DGKG: variants seen among roughly 807,000 people sequenced by gnomAD.
DGKG encodes DAG kinase gamma.
DGKG carries 78 observed loss-of-function variants against 105.3 expected under a neutral mutation model. That is an observed-to-expected ratio of 0.74 (90% confidence interval 0.62 to 0.89). The LOEUF (loss-of-function observed/expected upper bound fraction) is 0.89, where lower values mean the gene tolerates loss of function less well. Among genes scored for constraint, DGKG ranks in the 40% least tolerant of loss-of-function variants. DGKG has a pLI of 0.00. For missense variants in DGKG, 958 were observed against 1,020.1 expected, an observed-to-expected ratio of 0.94 and a Z score of 0.83; for synonymous variants, 346 against 367.1, an observed-to-expected ratio of 0.94 and a Z score of 0.66.
chr3:186,250,695 A>ACCT (rs1189423680), intron 19 of DGKG, among the ~76,000 whole-genome samples: 2 of 151,244 alleles, frequency 1.3e-5, no homozygotes, highest in Non-Finnish European at 2.9e-5. Flanking sequence ...GATTACAGGC[A>ACCT]CCCACCACCA....
At chr3:186,304,480 G>A (rs1724131022) in intron 3 of DGKG, among the ~76,000 whole-genome samples, 1 of 152,204 alleles carries the variant, frequency 6.6e-6, no homozygotes, top group South Asian at 2.1e-4. Context: ...CGGAGAAGGT[G>A]TTGACTCAGT....
At chr3:186,257,033 G>C (rs185504360) in intron 17 of DGKG, among the ~76,000 whole-genome samples, 43 of 152,308 alleles carry the variant, frequency 2.8e-4, no homozygotes, top group African/African-American at 9.9e-4. Flanking sequence ...TGTATCTCCA[G>C]TGCCTTGGGG....
At chr3:186,189,950 G>A (rs749110529) in intron 21 of DGKG, among the ~76,000 whole-genome samples, 13 of 152,110 alleles carry the variant, frequency 8.5e-5, no homozygotes, top group Non-Finnish European at 1.3e-4. Flanking sequence ...AGATGATGAT[G>A]ATGATGAAGA....
At chr3:186,352,224 T>C (rs920515528) in intron 1 of DGKG, among the ~76,000 whole-genome samples, 2 of 152,144 alleles carry the variant, frequency 1.3e-5, no homozygotes, top group African/African-American at 4.8e-5. Context: ...TGCTTGACCA[T>C]TCACCTGGCA....
intron 5 of DGKG, among the ~76,000 whole-genome samples, chr3:186,296,746 C>T (rs1379140883): frequency 6.6e-6 from 1 of 152,158 alleles, no homozygotes; most frequent in South Asian, 2.1e-4. Flanking sequence ...TCCCTGGCTC[C>T]ACAGGTCACA....
chr3:186,192,160 C>T (rs1385942274), intron 21 of DGKG, among the ~76,000 whole-genome samples: 2 of 152,138 alleles, frequency 1.3e-5, no homozygotes, highest in Non-Finnish European at 2.9e-5. Context: ...AGGTGCCTGT[C>T]ACCACGCCCA....
rs763118270 is a variant in DGKG at position 186,298,083 on chromosome 3, G to C, written c.291C>G (p.Asn97Lys). The part of the protein sequence containing the change: ...TSDHPTEGAS[N>K]SEANSADTNI... Reference sequence around the variant, plus strand: ...GTGTACCTGCGCTGTTGGCCTCACTGTTGCTGGCTCCCTCCGTCGGGTGGT... The same window carrying C: ...GTGTACCTGCGCTGTTGGCCTCACTCTTGCTGGCTCCCTCCGTCGGGTGGT... Residue 97 changes from asparagine to lysine, a missense_variant, in exon 4 of 25, where the codon AAC becomes AAG. By Grantham distance (94) the Asn-to-Lys change is moderately conservative (BLOSUM62 0). Coordinates refer to ENST00000265022, the MANE Select transcript of DGKG (RefSeq NM_001346.3). 117 of 1,612,134 alleles carry C rather than the reference G, an allele frequency of 7.3e-5. 1 individual carries two copies. The highest frequency in any genetic ancestry group is 9.1e-5 in the Non-Finnish European group (107 of 1,179,220).
chr3:186,154,844 T>C (rs1027934817), intron 24 of DGKG, among the ~76,000 whole-genome samples: 9 of 152,110 alleles, frequency 5.9e-5, no homozygotes, highest in Admixed American at 6.6e-5. Context: ...GAAAACTCTC[T>C]GGCATCCAGA....
chr3:186,236,963 C>T (rs1002268895), intron 20 of DGKG, among the ~76,000 whole-genome samples: 4 of 152,230 alleles, frequency 2.6e-5, no homozygotes, highest in Non-Finnish European at 4.4e-5. Flanking sequence ...CTGACAGTGA[C>T]ATTAGAATTA....
At chr3:186,227,178 G>A (rs1719897739) in intron 20 of DGKG, among the ~76,000 whole-genome samples, 1 of 152,144 alleles carries the variant, frequency 6.6e-6, no homozygotes, top group Admixed American at 6.5e-5. Context: ...AATCATGACA[G>A]CATGCCTTTA....
intron 21 of DGKG, among the ~76,000 whole-genome samples, chr3:186,200,260 C>G (rs773744431): frequency 9.9e-5 from 15 of 151,988 alleles, no homozygotes; most frequent in Non-Finnish European, 2.2e-4. Flanking sequence ...TCTGTGTGCC[C>G]CTAGAGGGTG....
chr3:186,230,693 G>C (rs932531172), intron 20 of DGKG, among the ~76,000 whole-genome samples: 1 of 152,180 alleles, frequency 6.6e-6, no homozygotes. Context: ...ATGGGCCAGA[G>C]GGTGGCTGAG....
intron 1 of DGKG, among the ~76,000 whole-genome samples, chr3:186,342,085 G>A (rs201294456): frequency 5.3e-5 from 8 of 152,034 alleles, no homozygotes; most frequent in Non-Finnish European, 1.0e-4. Flanking sequence ...GTTAGTGGGT[G>A]CAGTGCACCA....
intron 21 of DGKG, among the ~76,000 whole-genome samples, chr3:186,201,741 C>A (rs1718476811): frequency 6.6e-6 from 1 of 152,058 alleles, no homozygotes; most frequent in East Asian, 1.9e-4. Flanking sequence ...AATGTTCACA[C>A]CAATTGTGGA....
intron 20 of DGKG, among the ~76,000 whole-genome samples, chr3:186,225,432 A>C (rs764238536): frequency 1.3e-5 from 2 of 152,198 alleles, no homozygotes; most frequent in Non-Finnish European, 2.9e-5. Flanking sequence ...CCCCCATCAC[A>C]ACCCTAAGGT....
chr3:186,314,473 G>A (rs1412518456), intron 2 of DGKG, among the ~76,000 whole-genome samples: 1 of 152,174 alleles, frequency 6.6e-6, no homozygotes, highest in African/African-American at 2.4e-5. Flanking sequence ...TAAAAATTCT[G>A]GCTGAGTGCG....
In DGKG at chr3:186,267,716, A is replaced by T; in HGVS notation, c.1178T>A (p.Leu393Ter). ...CDGGELRDHILLPTSICPITR... is the reference protein window; with the variant it reads ...CDGGELRDHI ...GATGGGGCATATGGAGGTGGGCAGT[A>T]AGATGTGGTCTCTGAGTTCCCCACC... Residue 393 changes from leucine to a stop codon, truncating the protein, a stop_gained, in exon 13 of 25, where the codon TTA becomes TAA. Coordinates refer to ENST00000265022, the MANE Select transcript of DGKG (RefSeq NM_001346.3). LOFTEE classifies it high-confidence loss of function. 1 of 1,614,144 alleles carries T rather than the reference A, an allele frequency of 6.2e-7. No homozygotes were observed. Among genetic ancestry groups the T allele is most frequent in the Non-Finnish European group, 8.5e-7 (1 of 1,179,988 alleles).
chr3:186,254,148 C>G (rs1328380220), intron 17 of DGKG, among the ~76,000 whole-genome samples: 2 of 152,106 alleles, frequency 1.3e-5, no homozygotes. Context: ...ATCCATCAGT[C>G]TTGGGGGTGG....
intron 22 of DGKG, among the ~76,000 whole-genome samples, chr3:186,166,801 GTC>G (rs1357923124): frequency 2.0e-5 from 3 of 152,164 alleles, no homozygotes; most frequent in South Asian, 4.1e-4. Context: ...CTTTGCAGAA[GTC>G]TCTTGAGTGG....
Sources: allele counts gnomAD v4.1 joint callset (sites outside exome capture counted in the v4.1 genomes callset), GRCh38; gene constraint gnomAD v4.1.1; transcripts MANE v1.5; gene names NCBI Gene and HGNC (gene_info 2026-07-23, HGNC 2026-07-21).